Variants in KRT80 observed in about 807,000 individuals in gnomAD.
KRT80 encodes keratin 80.
A neutral mutation model predicts 51.5 loss-of-function variants in KRT80; 36 were observed. The observed-to-expected ratio is 0.70, with a 90% CI of 0.54 to 0.92. The LOEUF (loss-of-function observed/expected upper bound fraction) is 0.92, where lower values mean the gene tolerates loss of function less well. Among genes scored for constraint, KRT80 ranks in the 40% least tolerant of loss-of-function variants. The pLI is 0.00. For missense variants in KRT80, 566 were observed against 591.7 expected (o/e 0.96, Z 0.45); for synonymous variants, 235 against 248.3 (o/e 0.95, Z 0.50).
At chr12:52,172,485 A>G in intron 6 of KRT80, 67 bp from the exon 7 acceptor site, 2 of 1,446,006 alleles carry the variant, frequency 1.4e-6, no homozygotes, top group Non-Finnish European at 1.9e-6. Flanking sequence ...CAGGGCCAGG[A>G]GTCGTCTCTG....
At chr12:52,187,978 C>T (rs1469219611) in intron 1 of KRT80, among the ~76,000 whole-genome samples, 1 of 152,128 alleles carries the variant, frequency 6.6e-6, no homozygotes, top group Admixed American at 6.5e-5. Context: ...ACATGGTGTG[C>T]GTTTGGCCGG....
chr12:52,173,634 C>T lies in KRT80; in HGVS notation c.797G>A (p.Ser266Asn). The T allele has an allele frequency of 1.2e-6, 2 of 1,613,030 alleles. No individual in the cohort carries two copies. The highest frequency in any genetic ancestry group is 1.7e-6 in the Non-Finnish European group (2 of 1,180,028). ...KAQYDAVAAR[S>N]LEEAEAYSRS... ...AGAGTATGCCTCGGCCTCCTCCAGG[C>T]TGCGAGCCGCGACGGCGTCATACTG... is the stretch of plus-strand genomic sequence containing the variant. Residue 266 changes from serine (S) to asparagine (N), a missense_variant, in exon 5 of 9, where the codon AGC becomes AAC. Transcript: ENST00000394815.
Position 52,191,910 on chromosome 12 carries a change from C to A in KRT80, c.-8G>T. The A allele has an allele frequency of 6.9e-7, 1 of 1,458,708 alleles. No homozygotes were observed. The highest frequency in any genetic ancestry group is 1.4e-5 in the South Asian group (1 of 70,504). The allele number at this position is 1,458,708 out of a possible 1,614,324, so 90.4% of individuals were successfully genotyped here. A position where few individuals can be genotyped will look rare whatever the true frequency, so the allele number is the denominator to read the frequency against. On this transcript the variant is annotated 5_prime_UTR_variant, in exon 1 of 9. Coordinates refer to ENST00000394815, the MANE Select transcript of KRT80 (RefSeq NM_182507.3). ...GCAGGAGCGGCAGGCCATGGTGCCC[C>A]CGGCCGGAAGCAGGAGGGCCCAGGG...
Position 52,169,057 on chromosome 12 carries a change from A to G in KRT80, c.*2341T>C, listed in dbSNP as rs1054595469. 6.6e-6 allele frequency: 1 copy of G among 152,236 alleles called. No individual in the cohort carries two copies. Among genetic ancestry groups the G allele is most frequent in the Non-Finnish European group, 1.5e-5 (1 of 68,056 alleles). 9.4% of individuals were successfully genotyped at this position (152,236 alleles called of 1,614,324 possible). On this transcript the variant is annotated 3_prime_UTR_variant, in exon 9 of 9. Coordinates refer to ENST00000394815, the MANE Select transcript of KRT80 (RefSeq NM_182507.3). The stretch of plus-strand genomic sequence containing the variant: ...ATTCTGCAGGCTGTACTGGCATGGC[A>G]CCAACATTTGCTCAGCTTCTGGTGA...
rs538991085 is a variant in KRT80 at position 52,181,655 on chromosome 12, A to C, written c.510-692T>G. Among the ~76,000 whole-genome samples the C allele has an allele frequency of 7.9e-4, 120 of 152,266 alleles. 1 individual carries two copies. The highest frequency in any genetic ancestry group is 2.7e-3 in the African/African-American group (111 of 41,560). On this transcript the variant is annotated intron_variant, in intron 2 of 8. Coordinates refer to ENST00000394815, the MANE Select transcript of KRT80 (RefSeq NM_182507.3). ...GCTACAGGCCGCATAGGCCATACTC[A>C]ACAAAGCTCAATAACGCTCTTCTCA...
At chr12:52,178,832 C>T (rs1209814249) in intron 4 of KRT80, among the ~76,000 whole-genome samples, 1 of 151,508 alleles carries the variant, frequency 6.6e-6, no homozygotes, top group Non-Finnish European at 1.5e-5. Flanking sequence ...GACACTAAGG[C>T]ACAGAGAGGA....
intron 1 of KRT80, among the ~76,000 whole-genome samples, chr12:52,188,955 G>T (rs59613954): frequency 1.3e-5 from 2 of 152,110 alleles, no homozygotes; most frequent in Admixed American, 1.3e-4. Flanking sequence ...CTTCCACTGG[G>T]ACGAGCTCAG....
intron 2 of KRT80, among the ~76,000 whole-genome samples, chr12:52,181,672 C>T (rs914982644): frequency 1.3e-5 from 2 of 152,224 alleles, no homozygotes; most frequent in Non-Finnish European, 2.9e-5. Context: ...CTCAATAACG[C>T]TCTTCTCAGT....
At chr12:52,172,959 C>T in intron 6 of KRT80, 79 bp downstream of exon 6, 1 of 1,500,574 alleles carries the variant, frequency 6.7e-7, no homozygotes, top group Non-Finnish European at 9.0e-7. Context: ...TCAGTCATGT[C>T]TTGCCTGTAT....
In KRT80 at chr12:52,169,331, G is replaced by A. The variant is rs1277322903; in HGVS notation, c.*2067C>T. The A allele has an allele frequency of 6.6e-6, 1 of 152,204 alleles. No homozygotes were observed. The highest frequency in any genetic ancestry group is 2.4e-5 in the African/African-American group (1 of 41,418). 9.4% of individuals were successfully genotyped at this position (152,204 alleles called of 1,614,324 possible). On this transcript the variant is annotated 3_prime_UTR_variant, in exon 9 of 9. Coordinates refer to ENST00000394815, the MANE Select transcript of KRT80 (RefSeq NM_182507.3). ...TACATTTCAACATGAGATTTGGAGG[G>A]GACGAGCATCCAAACCATATCAGAT... is the stretch of plus-strand genomic sequence containing the variant.
intron 5 of KRT80, 63 bp from the exon 6 acceptor site, chr12:52,173,226 G>A (rs528581648): frequency 1.2e-5 from 18 of 1,477,284 alleles, no homozygotes; most frequent in South Asian, 9.2e-5. Context: ...CTTGTTACCC[G>A]CCTCTGCTTT....
At chr12:52,188,524 T>C (rs1211759688) in intron 1 of KRT80, among the ~76,000 whole-genome samples, 1 of 152,176 alleles carries the variant, frequency 6.6e-6, no homozygotes, top group Non-Finnish European at 1.5e-5. Context: ...GGCTGTTGAA[T>C]CCCCGGCCTT....
At chr12:52,178,253 C>T (rs1010870086) in intron 4 of KRT80, among the ~76,000 whole-genome samples, 4 of 152,210 alleles carry the variant, frequency 2.6e-5, no homozygotes, top group Non-Finnish European at 5.9e-5. Context: ...ACCTGAAACC[C>T]GCTGTTTGCC....
chr12:52,186,595 G>A (rs1023029848), intron 1 of KRT80, among the ~76,000 whole-genome samples: 3 of 152,216 alleles, frequency 2.0e-5, no homozygotes, highest in Admixed American at 6.5e-5. Context: ...AGCCAGGCCT[G>A]GAATCCAGGA....
intron 4 of KRT80, among the ~76,000 whole-genome samples, chr12:52,178,645 G>C (rs552813194): frequency 6.6e-6 from 1 of 152,360 alleles, no homozygotes. Context: ...ACTTGCTTAT[G>C]ACTTGTCTCA....
chr12:52,177,713 C>A (rs1362452735), intron 4 of KRT80, among the ~76,000 whole-genome samples: 4 of 151,482 alleles, frequency 2.6e-5, no homozygotes, highest in Admixed American at 2.0e-4. Context: ...GACGAGAGGG[C>A]TGTTTTCTGG....
intron 2 of KRT80, 105 bp from the exon 3 acceptor site, chr12:52,181,068 CTT>C: frequency 5.2e-6 from 4 of 766,186 alleles, no homozygotes; most frequent in Non-Finnish European, 8.0e-6. Flanking sequence ...CTTGGGGTCT[CTT>C]TGCCAATTAA....
chr12:52,191,890 A>G lies in KRT80; in HGVS notation c.13T>C (p.Ser5Pro), dbSNP rs769678489. MACRSCVVGFSSLSS... is the reference protein window; with the variant it reads MACRPCVVGFSSLSS... ...AGGCTGCTGAAGCCAACCACGCAGG[A>G]GCGGCAGGCCATGGTGCCCCCGGCC... Residue 5 changes from serine to proline, a missense_variant, in exon 1 of 9, where the codon TCC becomes CCC. Ser to Pro is a moderately conservative substitution (Grantham distance 74, BLOSUM62 -1). Transcript: ENST00000394815. 6 of 1,485,618 alleles carry G rather than the reference A, an allele frequency of 4.0e-6. No individual in the cohort carries two copies. The Admixed American group carries it at 9.3e-5, about 23-fold the overall frequency. The allele number at this position is 1,485,618 out of a possible 1,614,324, so 92.0% of individuals were successfully genotyped here.
intron 1 of KRT80, among the ~76,000 whole-genome samples, chr12:52,190,614 T>C (rs73311406): frequency 0.017 from 2,515 of 152,320 alleles, 54 homozygotes; most frequent in African/African-American, 0.051. Context: ...TTCAGAAATG[T>C]ACAGTTTTCC....
Sources: allele counts gnomAD v4.1 joint callset (sites outside exome capture counted in the v4.1 genomes callset), GRCh38; gene constraint gnomAD v4.1.1; transcripts MANE v1.5; gene names NCBI Gene and HGNC (gene_info 2026-07-23, HGNC 2026-07-21).